The following GNPTAB variants were observed in gnomAD, a reference collection of about 807,000 sequenced individuals.
GNPTAB encodes N-acetylglucosamine-1-phosphotransferase subunits alpha/beta.
GNPTAB carries 92 observed loss-of-function variants against 136.6 expected under a neutral mutation model. The ratio of observed to expected loss-of-function variants is 0.67; its 90% CI spans 0.57 to 0.80. The LOEUF (loss-of-function observed/expected upper bound fraction) is 0.80. GNPTAB is among the 30% of genes least tolerant of loss of function. GNPTAB has a pLI of 0.00. For missense variants in GNPTAB, 1,343 were observed against 1,501.8 expected (o/e 0.89, Z 1.75); for synonymous variants, 512 against 535.1 (o/e 0.96, Z 0.60).
Position 101,757,325 on chromosome 12 carries a change from A to G in GNPTAB, c.3336-15T>C. ...TGATTTCAAACCTAATTATCAAAACATATTTGAAGAGTTTAAATAATTACA... is the reference window on the plus strand; with the variant it reads ...TGATTTCAAACCTAATTATCAAAACGTATTTGAAGAGTTTAAATAATTACA... On this transcript the variant is annotated splice_polypyrimidine_tract_variant and intron_variant, in intron 17 of 20. Transcript: ENST00000299314. The G allele has an allele frequency of 7.1e-7, 1 of 1,398,716 alleles. No homozygotes were observed. The highest frequency in any genetic ancestry group is 1.0e-6 in the Non-Finnish European group (1 of 987,894). The allele number at this position is 1,398,716 out of a possible 1,614,324, so 86.6% of individuals were successfully genotyped here. A position where few individuals can be genotyped will look rare whatever the true frequency, so the allele number is the denominator to read the frequency against.
intron 1 of GNPTAB, among the ~76,000 whole-genome samples, chr12:101,817,054 G>A (rs1318637969): frequency 6.6e-5 from 10 of 152,098 alleles, no homozygotes; most frequent in Non-Finnish European, 1.2e-4. Context: ...GGGTAGTGGG[G>A]GCAGTGGGGA....
intron 5 of GNPTAB, among the ~76,000 whole-genome samples, chr12:101,785,263 C>T (rs1054818158): frequency 5.3e-5 from 8 of 152,214 alleles, no homozygotes; most frequent in African/African-American, 1.9e-4. Context: ...GTTCTACTGT[C>T]CAGGCTGGAG....
At position 101,764,808 on chromosome 12, in the gene GNPTAB, A is replaced by G. The variant is rs1276628378; in HGVS notation, c.2109T>C (p.Leu703=). The G allele has an allele frequency of 6.2e-7, 1 of 1,614,062 alleles. No individual in the cohort carries two copies. The highest frequency in any genetic ancestry group is 1.3e-5 in the African/African-American group (1 of 74,908). Residue 703 remains leucine (L), a synonymous_variant, in exon 13 of 21, where the codon CTT becomes CTC. Coordinates refer to ENST00000299314, the MANE Select transcript of GNPTAB (RefSeq NM_024312.5). ...TGAGACTCAACTGGGCGTCTTTTGG[A>G]AGGAGTGAAATATTTACCAGGGGAA... ...VKIPLVNISL[L]PKDAQLSLNT... is the part of the protein sequence containing the mutation.
At chr12:101,752,320 G>A (rs1383867714) in intron 19 of GNPTAB, among the ~76,000 whole-genome samples, 2 of 152,178 alleles carry the variant, frequency 1.3e-5, no homozygotes, top group African/African-American at 4.8e-5. Flanking sequence ...AGCTACTCGG[G>A]AGGCTGAGGC....
intron 3 of GNPTAB, among the ~76,000 whole-genome samples, chr12:101,789,170 G>A (rs1015564994): frequency 4.6e-5 from 7 of 152,182 alleles, no homozygotes; most frequent in Admixed American, 2.6e-4. Context: ...CACACCTGGG[G>A]CTCAAAATGA....
At chr12:101,791,129 G>A (rs753745782) in intron 2 of GNPTAB, among the ~76,000 whole-genome samples, 9 of 152,110 alleles carry the variant, frequency 5.9e-5, no homozygotes, top group Non-Finnish European at 1.3e-4. Context: ...ATTTCTTCCT[G>A]ATCATCTTGT....
At chr12:101,812,477 T>C (rs543657643) in intron 1 of GNPTAB, among the ~76,000 whole-genome samples, 1 of 152,150 alleles carries the variant, frequency 6.6e-6, no homozygotes, top group Non-Finnish European at 1.5e-5. Context: ...AAAGTTGGGC[T>C]GGGCACAGTG....
intron 2 of GNPTAB, among the ~76,000 whole-genome samples, chr12:101,792,262 T>C (rs1365582993): frequency 2.0e-5 from 3 of 152,150 alleles, no homozygotes; most frequent in African/African-American, 7.2e-5. Context: ...GGCGCCTATC[T>C]TGCTTGTTCA....
Position 101,766,211 on chromosome 12 carries a change from C to T in GNPTAB, c.1492G>A (p.Gly498Arg). ...TTACAGTAAGAGACACTGTTTATTC[C>T]TCCACCAAACTGCCAGGGCTGTCCA... ...GVGQPWQFGGGINSVSYCNQG... is the reference protein window; with the variant it reads ...GVGQPWQFGGRINSVSYCNQG... Residue 498 changes from glycine (G) to arginine (R), a missense_variant, in exon 12 of 21, where the codon GGA (glycine) becomes AGA (arginine). By Grantham distance (125) the Gly-to-Arg change is moderately radical. Transcript: ENST00000299314. 6.2e-7 allele frequency: 1 copy of T among 1,614,106 alleles called. No individual in the cohort carries two copies. The highest frequency in any genetic ancestry group is 1.6e-4 in the Middle Eastern group (1 of 6,062).
At position 101,757,260 on chromosome 12, in the gene GNPTAB, T is replaced by G; in HGVS notation, c.3386A>C (p.Asn1129Thr). Residue 1129 changes from asparagine (N) to threonine (T), a missense_variant, in exon 18 of 21, where the codon AAC (asparagine) becomes ACC (threonine). Transcript: ENST00000299314. ...EEIAFKMIRT[N>T]VSHVVGQLDD... ...CAACTGGCCAACCACATGAGAAACG[T>G]TGGTACGAATCATTTTAAAAGCGAT... 6.2e-7 allele frequency: 1 copy of G among 1,610,702 alleles called. No homozygotes were observed. The highest frequency in any genetic ancestry group is 8.5e-7 in the Non-Finnish European group (1 of 1,177,366).
At chr12:101,794,760 A>G (rs1869184962) in intron 2 of GNPTAB, among the ~76,000 whole-genome samples, 1 of 152,128 alleles carries the variant, frequency 6.6e-6, no homozygotes, top group African/African-American at 2.4e-5. Context: ...CTAATAAGCT[A>G]GTTTTCTTTC....
intron 1 of GNPTAB, among the ~76,000 whole-genome samples, chr12:101,811,001 G>A (rs899612687): frequency 6.6e-6 from 1 of 152,166 alleles, no homozygotes; most frequent in Admixed American, 6.5e-5. Flanking sequence ...ACCTCAGAAG[G>A]GTTTGCGAGT....
intron 19 of GNPTAB, 39 bp from the exon 20 acceptor site, chr12:101,749,230 ATG>A: frequency 2.6e-6 from 3 of 1,134,714 alleles, no homozygotes; most frequent in Non-Finnish European, 4.0e-6. Flanking sequence ...ACTTCTGTAT[ATG>A]GTTTCACTAC....
intron 19 of GNPTAB, among the ~76,000 whole-genome samples, chr12:101,749,945 G>A (rs1282032244): frequency 6.6e-6 from 1 of 152,236 alleles, no homozygotes; most frequent in Non-Finnish European, 1.5e-5. Context: ...ACAGACAGGT[G>A]GGGGTATGTG....
chr12:101,787,278 T>C (rs1222893947), intron 4 of GNPTAB, among the ~76,000 whole-genome samples: 3 of 152,206 alleles, frequency 2.0e-5, no homozygotes, highest in Non-Finnish European at 4.4e-5. Flanking sequence ...AGTCACTTTA[T>C]GGAATATTAT....
At chr12:101,797,580 C>T (rs957158123) in intron 1 of GNPTAB, among the ~76,000 whole-genome samples, 3 of 152,026 alleles carry the variant, frequency 2.0e-5, no homozygotes, top group African/African-American at 7.2e-5. Context: ...GCCAAGATCG[C>T]GCCACTGCAC....
In GNPTAB at chr12:101,760,781, C is replaced by CTT. The variant is rs879535763; in HGVS notation, c.3135+344_3135+345dup. ...ATGGTCAGAATTAAAATTTTCTTTT[C>CTT]TTTTTTTTTTTTTTTTGAGACAGAG... On this transcript the variant is annotated intron_variant, in intron 15 of 20. Coordinates refer to ENST00000299314, the MANE Select transcript of GNPTAB (RefSeq NM_024312.5). Among the ~76,000 whole-genome samples the CTT allele has an allele frequency of 4.0e-4, 55 of 137,210 alleles. 1 individual carries two copies. Among genetic ancestry groups the CTT allele is most frequent in the East Asian group, 3.4e-3 (16 of 4,752 alleles). The allele number at this position is 137,210 out of a possible 152,430, so 90.0% of individuals were successfully genotyped here. A position where few individuals can be genotyped will look rare whatever the true frequency, so the allele number is the denominator to read the frequency against.
At chr12:101,811,521 C>T (rs939744277) in intron 1 of GNPTAB, among the ~76,000 whole-genome samples, 2 of 151,754 alleles carry the variant, frequency 1.3e-5, no homozygotes, top group South Asian at 4.2e-4. Context: ...GTACAGGAAG[C>T]GTTTCTGGGA....
At chr12:101,799,025 G>T (rs11111026) in intron 1 of GNPTAB, among the ~76,000 whole-genome samples, 29,424 of 151,798 alleles carry the variant, frequency 0.19, 2,919 homozygotes, top group African/African-American at 0.24. Context: ...CAAGACAAAA[G>T]AATTTAGCTA....
Sources: allele counts gnomAD v4.1 joint callset (sites outside exome capture counted in the v4.1 genomes callset), GRCh38; gene constraint gnomAD v4.1.1; transcripts MANE v1.5; gene names NCBI Gene and HGNC (gene_info 2026-07-23, HGNC 2026-07-21).